Variants in KDM6A observed in about 807,000 individuals in gnomAD.
The protein encoded by KDM6A is lysine demethylase 6A, also known as lysine-specific demethylase 6A.
KDM6A carries 11 observed loss-of-function variants against 117.6 expected under a neutral mutation model. The ratio of observed to expected loss-of-function variants is 0.09; its 90% CI spans 0.06 to 0.15. The LOEUF is 0.15. Among genes scored for constraint, KDM6A ranks in the 10% least tolerant of loss-of-function variants. The pLI is 1.00. For missense variants in KDM6A, 799 were observed against 1,077.3 expected, an observed-to-expected ratio of 0.74 and a Z score of 3.62; for synonymous variants, 384 against 396.1, an observed-to-expected ratio of 0.97 and a Z score of 0.36.
chrX:45,082,571 T>C lies in KDM6A; in HGVS notation c.3301-5T>C. 8.5e-7 allele frequency: 1 copy of C among 1,170,694 alleles called. No homozygotes were observed. Among genetic ancestry groups the C allele is most frequent in the Non-Finnish European group, 1.2e-6 (1 of 859,645 alleles). On this transcript the variant is annotated splice_region_variant and splice_polypyrimidine_tract_variant and intron_variant, in intron 21 of 29. Transcript: ENST00000611820. ...AAACTAGACTGCTTTTTGCTTAATC[T>C]ATAGGAAGAAAATGAAAAAAGAAGT... is the stretch of plus-strand genomic sequence containing the variant.
chrX:45,111,313 T>C (rs2046760059), intron 29 of KDM6A, 69 bp from the exon 30 acceptor site: 1 of 870,910 alleles, frequency 1.1e-6, no homozygotes, highest in African/African-American at 1.9e-5. Context: ...ACAAGCAGAC[T>C]ATATGTTTGT....
chrX:45,016,182 C>T (rs1311182737), intron 5 of KDM6A, among the ~76,000 whole-genome samples: 1 of 111,266 alleles, frequency 9.0e-6, no homozygotes, highest in African/African-American at 3.3e-5. Flanking sequence ...TGACTTTTGC[C>T]TTCTTCCATC....
rs768361687 is a variant in KDM6A at position 45,099,744 on chromosome X, A to G, written c.4035-7666A>G. On this transcript the variant is annotated intron_variant, in intron 27 of 29. Coordinates refer to ENST00000611820, the MANE Select transcript of KDM6A (RefSeq NM_001291415.2). Reference sequence around the variant, plus strand: ...TACGACTGGTAGATTAAGATTTAAAAGAAACCCTCACTGGGTGCGGTGGCT... The same window carrying G: ...TACGACTGGTAGATTAAGATTTAAAGGAAACCCTCACTGGGTGCGGTGGCT... 5.3e-5 allele frequency among the ~76,000 whole-genome samples: 6 copies of G among 112,399 alleles called. No individual in the cohort carries two copies. The South Asian group carries it at 2.2e-3, about 41-fold the overall frequency.
In KDM6A at chrX:44,922,027, CCTT is replaced by C. The variant is rs1353129203; in HGVS notation, c.226-39256_226-39254del. Among the ~76,000 whole-genome samples, 145 of 37,712 alleles carry C rather than the reference CCTT, an allele frequency of 3.8e-3. 59 individuals are homozygous for C. The highest frequency in any genetic ancestry group is 0.018 in the African/African-American group (134 of 7,526). 32.7% of individuals were successfully genotyped at this position (37,712 alleles called of 115,157 possible). Reference sequence around the variant, plus strand: ...ATGCTGATAAAATTCATTGTGTGTGCCTTTTTTTTTTTTTTTTTTTTTTTTTTT... The same window carrying C: ...ATGCTGATAAAATTCATTGTGTGTGCTTTTTTTTTTTTTTTTTTTTTTTTT... On this transcript the variant is annotated intron_variant, in intron 2 of 29. Coordinates refer to ENST00000611820, the MANE Select transcript of KDM6A (RefSeq NM_001291415.2).
At chrX:45,012,871 T>C (rs759845785) in intron 5 of KDM6A, among the ~76,000 whole-genome samples, 1 of 111,794 alleles carries the variant, frequency 8.9e-6, no homozygotes, top group Non-Finnish European at 1.9e-5. Flanking sequence ...CTGGTTTTCT[T>C]TGTAAATCTT....
intron 4 of KDM6A, among the ~76,000 whole-genome samples, chrX:44,984,906 G>C (rs942398438): frequency 2.7e-5 from 3 of 111,057 alleles, no homozygotes; most frequent in African/African-American, 9.8e-5. Context: ...CTCTTTTTTG[G>C]TTCCATATGA....
chrX:45,076,970 A>T, intron 19 of KDM6A, 144 bp downstream of exon 19: 1 of 516,812 alleles, frequency 1.9e-6, no homozygotes, highest in African/African-American at 2.4e-5. Flanking sequence ...GGGGGGGAAG[A>T]TATATTCAAG....
At chrX:45,052,715 TAGAC>T (rs2043907233) in intron 9 of KDM6A, among the ~76,000 whole-genome samples, 1 of 111,900 alleles carries the variant, frequency 8.9e-6, no homozygotes, top group Non-Finnish European at 1.9e-5. Context: ...TTATTTATTT[TAGAC>T]AGAGTCTCGC....
At chrX:45,052,787 G>T (rs6651643) in intron 9 of KDM6A, among the ~76,000 whole-genome samples, 5,216 of 111,283 alleles carry the variant, frequency 0.047, 321 homozygotes, top group African/African-American at 0.16. Flanking sequence ...CAAACTCCTC[G>T]GGTCAGGTGA....
At chrX:45,040,466 T>C (rs1602682890) in intron 8 of KDM6A, among the ~76,000 whole-genome samples, 1 of 72,718 alleles carries the variant, frequency 1.4e-5, no homozygotes, top group African/African-American at 5.4e-5. Flanking sequence ...CCCACCTCCC[T>C]CCCGGATGGG....
rs2148034200 is a variant in KDM6A at position 45,069,589 on chromosome X, A to G, written c.2090A>G (p.Lys697Arg). 2 of 1,210,686 alleles carry G rather than the reference A, an allele frequency of 1.7e-6. No individual in the cohort carries two copies. The highest frequency in any genetic ancestry group is 3.0e-5 in the East Asian group (1 of 33,833). The change falls in exon 18 of 30, where the codon AAA becomes AGA. Residue 697 changes from lysine to arginine, a missense_variant. Lys to Arg is a conservative substitution (Grantham distance 26). This residue lies in a region of KDM6A where 301 missense variants were observed against 318.3 expected (regional missense o/e 0.95). Coordinates refer to ENST00000611820, the MANE Select transcript of KDM6A (RefSeq NM_001291415.2). Reference sequence around the variant, plus strand: ...TTTCTTTCTTTTTAGGGGCTTCACAAAGGTCAGAGTTCACATTCGGCAGGT... The same window carrying G: ...TTTCTTTCTTTTTAGGGGCTTCACAGAGGTCAGAGTTCACATTCGGCAGGT... ...QLSNSTQGLH[K>R]GQSSHSAGPN...
At chrX:45,034,838 T>C in intron 6 of KDM6A, 93 bp from the exon 7 acceptor site, 1 of 675,656 alleles carries the variant, frequency 1.5e-6, no homozygotes, top group Non-Finnish European at 2.4e-6. Context: ...GTATTTATTA[T>C]TATTTTAGAC....
chrX:44,963,497 GTC>G (rs776846372), intron 3 of KDM6A, among the ~76,000 whole-genome samples: 1,519 of 28,217 alleles, frequency 0.054, 36 homozygotes, highest in African/African-American at 0.12. Flanking sequence ...CTGTCTGTCT[GTC>G]TCTGTCTGTC....
At chrX:44,954,302 A>G (rs1159318530) in intron 2 of KDM6A, among the ~76,000 whole-genome samples, 1 of 111,447 alleles carries the variant, frequency 9.0e-6, no homozygotes, top group East Asian at 2.8e-4. Context: ...AAGGATATCA[A>G]GTTTAATGAT....
intron 17 of KDM6A, among the ~76,000 whole-genome samples, chrX:45,066,773 ACGTAATT>A (rs1330818192): frequency 8.9e-6 from 1 of 111,873 alleles, no homozygotes; most frequent in Non-Finnish European, 1.9e-5. Flanking sequence ...TTCTTTAAAA[ACGTAATT>A]CGTAATTCTA....
intron 2 of KDM6A, among the ~76,000 whole-genome samples, chrX:44,955,896 A>T (rs1162144207): frequency 9.0e-6 from 1 of 111,730 alleles, no homozygotes; most frequent in African/African-American, 3.3e-5. Context: ...TGCAAATTAG[A>T]ATTGTATCCA....
chrX:44,934,061 C>A (rs1431805708), intron 2 of KDM6A, among the ~76,000 whole-genome samples: 1 of 112,314 alleles, frequency 8.9e-6, no homozygotes, highest in Non-Finnish European at 1.9e-5. Context: ...TAATGCTAAT[C>A]GCCTTTTATC....
At chrX:44,898,764 G>T (rs2034090448) in intron 2 of KDM6A, among the ~76,000 whole-genome samples, 1 of 110,847 alleles carries the variant, frequency 9.0e-6, no homozygotes, top group Admixed American at 9.6e-5. Context: ...GAGCACCCCT[G>T]TGTGGGGGAT....
rs144780572 is a variant in KDM6A, at chrX:45,087,177, G to A, written c.3704+1198G>A. ...TGCTAATTTGTGTATTTTTAGTAGA[G>A]ACAGGGTTTCACCATGTTGGCCAGG... On this transcript the variant is annotated intron_variant, in intron 25 of 29. Coordinates refer to ENST00000611820, the MANE Select transcript of KDM6A (RefSeq NM_001291415.2). Among the ~76,000 whole-genome samples, 943 of 111,814 alleles carry A rather than the reference G, an allele frequency of 8.4e-3. 11 individuals are homozygous for A. The highest frequency in any genetic ancestry group is 0.029 in the African/African-American group (904 of 30,775).
Sources: gnomAD v4.1 joint callset for allele counts (sites outside exome capture counted in the v4.1 genomes callset) on GRCh38, gnomAD v4.1.1 for gene constraint, gnomAD v4.1.1 regional missense constraint, MANE v1.5 for transcripts, NCBI Gene and HGNC (gene_info 2026-07-23, HGNC 2026-07-21) for gene names.